The following ZNF248 variants were observed in gnomAD, a reference collection of about 807,000 sequenced individuals.
ZNF248 encodes the protein zinc finger protein 248.
A neutral mutation model predicts 44.3 loss-of-function variants in ZNF248; 20 were observed. The observed-to-expected ratio is 0.45, with a 90% CI of 0.32 to 0.66. The LOEUF is 0.66. ZNF248 is among the 30% of genes least tolerant of loss of function. ZNF248 has a pLI of 0.04. For synonymous variants in ZNF248, 224 were observed against 229.0 expected (o/e 0.98, Z 0.20); for missense variants, 654 against 677.0 (o/e 0.97, Z 0.38).
At chr10:37,770,896 A>C in the ZNF248 span, among the ~76,000 whole-genome samples, 1 of 152,260 alleles carries the variant, frequency 6.6e-6, no homozygotes, top group African/African-American at 2.4e-5. Flanking sequence ...AATATCCGGA[A>C]TCTACAATGA....
chr10:37,820,699 T>C, intron 6 of ZNF248: 3 of 1,363,752 alleles, frequency 2.2e-6, no homozygotes, highest in Admixed American at 1.7e-5. Context: ...GAGTCTCTAC[T>C]TCTTTATCAC....
Position 37,780,657 on chromosome 10 carries a change from C to A in ZNF248, c.331-4082G>T, listed in dbSNP as rs143692996. Among the ~76,000 whole-genome samples the A allele has an allele frequency of 7.8e-3, 1,195 of 152,334 alleles. 17 individuals are homozygous for A. The highest frequency in any genetic ancestry group is 0.027 in the African/African-American group (1,116 of 41,582). Reference sequence around the variant, plus strand: ...CACCCAGCTCAGCCTGGAAGCAAAGCTCGCGCCCTTCCAGGGCCAAGGCGC... The same window carrying A: ...CACCCAGCTCAGCCTGGAAGCAAAGATCGCGCCCTTCCAGGGCCAAGGCGC... On this transcript the variant is annotated intron_variant, in intron 6 of 6. Transcript: ENST00000615949.
At chr10:37,790,885 A>G (rs1427790329) in intron 6 of ZNF248, among the ~76,000 whole-genome samples, 1 of 149,018 alleles carries the variant, frequency 6.7e-6, no homozygotes, top group East Asian at 2.0e-4. Flanking sequence ...GAACAACTGC[A>G]GTCTGGCCTG....
intron 6 of ZNF248, among the ~76,000 whole-genome samples, chr10:37,801,042 A>G (rs975847242): frequency 1.3e-5 from 2 of 151,672 alleles, no homozygotes; most frequent in East Asian, 2.0e-4. Flanking sequence ...GATTACAGAC[A>G]TGAGCCACTG....
chr10:37,799,022 A>G (rs1045287865), intron 6 of ZNF248, among the ~76,000 whole-genome samples: 2 of 152,154 alleles, frequency 1.3e-5, no homozygotes, highest in South Asian at 4.1e-4. Context: ...AAAGAATGAC[A>G]TCTCCATCTG....
chr10:37,768,378 T>A, the ZNF248 span, among the ~76,000 whole-genome samples: 2 of 151,716 alleles, frequency 1.3e-5, no homozygotes, highest in Non-Finnish European at 2.9e-5. Flanking sequence ...GAAGTAAAGC[T>A]CTCCTCAGCA....
At chr10:37,775,184 C>T (rs1044073224), downstream of ZNF248, among the ~76,000 whole-genome samples, 2 of 152,110 alleles carry the variant, frequency 1.3e-5, no homozygotes, top group Non-Finnish European at 2.9e-5. Flanking sequence ...ATAATATATA[C>T]ACACTAAAAC....
At chr10:37,761,072 A>G in the ZNF248 span, among the ~76,000 whole-genome samples, 2 of 152,174 alleles carry the variant, frequency 1.3e-5, no homozygotes, top group Non-Finnish European at 2.9e-5. Flanking sequence ...CTGCCTTTCA[A>G]ATGTCCATAT....
chr10:37,791,569 C>G (rs2048556253), intron 6 of ZNF248: 1 of 152,022 alleles, frequency 6.6e-6, no homozygotes, highest in Admixed American at 6.6e-5. Flanking sequence ...AATAGCCACC[C>G]CACAACAGGG....
intron 4 of ZNF248, 73 bp downstream of exon 4, chr10:37,837,912 C>T: frequency 3.2e-6 from 5 of 1,559,976 alleles, no homozygotes; most frequent in Non-Finnish European, 4.4e-6. Flanking sequence ...TCAAGCTTTA[C>T]ATCAGAAAAC....
intron 5 of ZNF248, among the ~76,000 whole-genome samples, chr10:37,836,139 A>T (rs1024050670): frequency 7.2e-5 from 11 of 151,978 alleles, no homozygotes; most frequent in Non-Finnish European, 1.2e-4. Flanking sequence ...ATTTGTACAA[A>T]CCTACCACTT....
chr10:37,839,798 A>C (rs1460540756), intron 3 of ZNF248, among the ~76,000 whole-genome samples: 2 of 152,188 alleles, frequency 1.3e-5, no homozygotes, highest in Non-Finnish European at 2.9e-5. Context: ...TATATGACCC[A>C]AAATAGCACT....
intron 3 of ZNF248, among the ~76,000 whole-genome samples, chr10:37,840,803 A>G (rs1356326810): frequency 2.6e-5 from 4 of 152,158 alleles, no homozygotes. Flanking sequence ...AGAAAAAAAG[A>G]AAACCAGTGC....
chr10:37,801,096 G>T (rs1316240888), intron 6 of ZNF248, among the ~76,000 whole-genome samples: 1 of 151,598 alleles, frequency 6.6e-6, no homozygotes, highest in Admixed American at 6.6e-5. Context: ...CATTATATTT[G>T]CTGGGCACAG....
intron 6 of ZNF248, among the ~76,000 whole-genome samples, chr10:37,816,415 C>T (rs554550091): frequency 1.5e-4 from 23 of 152,302 alleles, no homozygotes; most frequent in African/African-American, 4.3e-4. Context: ...GCTGCTGGCA[C>T]GGGTGATGGG....
At chr10:37,771,085 C>T in the ZNF248 span, among the ~76,000 whole-genome samples, 1 of 152,046 alleles carries the variant, frequency 6.6e-6, no homozygotes, top group African/African-American at 2.4e-5. Flanking sequence ...CCATCTCACA[C>T]CAGTTAGAAT....
downstream of ZNF248, among the ~76,000 whole-genome samples, chr10:37,827,136 C>T (rs2054506513): frequency 6.6e-6 from 1 of 152,218 alleles, no homozygotes; most frequent in Non-Finnish European, 1.5e-5. Context: ...CCAGTCATGG[C>T]TGCCAAGCTT....
At chr10:37,775,206 T>A (rs1207600738), downstream of ZNF248, among the ~76,000 whole-genome samples, 1 of 151,546 alleles carries the variant, frequency 6.6e-6, no homozygotes, top group Non-Finnish European at 1.5e-5. Context: ...ATTATAATTA[T>A]CTTGATATCT....
intron 6 of ZNF248, among the ~76,000 whole-genome samples, chr10:37,778,322 C>G (rs551452641): frequency 6.6e-6 from 1 of 152,262 alleles, no homozygotes; most frequent in South Asian, 2.1e-4. Context: ...TTTTTGGCTG[C>G]ATAAATGTCT....
Sources: allele counts gnomAD v4.1 joint callset (sites outside exome capture counted in the v4.1 genomes callset), GRCh38; gene constraint gnomAD v4.1.1; transcripts MANE v1.5; gene names NCBI Gene and HGNC (gene_info 2026-07-23, HGNC 2026-07-21).